The following PMVK variants were observed in gnomAD, a reference collection of about 807,000 sequenced individuals.
PMVK encodes the protein phosphomevalonate kinase, also known as testis tissue sperm-binding protein Li 95mP.
A neutral mutation model predicts 19.0 loss-of-function variants in PMVK; 10 were observed. That is an observed-to-expected ratio of 0.53 (90% confidence interval 0.32 to 0.89). PMVK has a LOEUF of 0.89. PMVK is among the 40% of genes least tolerant of loss of function. The pLI is 0.03. For synonymous variants in PMVK, 108 were observed against 101.6 expected, an observed-to-expected ratio of 1.06 and a Z score of -0.38; for missense variants, 222 against 251.1, an observed-to-expected ratio of 0.88 and a Z score of 0.78.
chr1:154,939,213 G>A (rs72702224), upstream of PMVK, among the ~76,000 whole-genome samples: 49,481 of 151,918 alleles, frequency 0.33, 10,849 homozygotes, highest in East Asian at 0.88. Flanking sequence ...GACACACCCT[G>A]GGCTTTGTCA....
intron 3 of PMVK, among the ~76,000 whole-genome samples, chr1:154,927,011 T>C (rs1654184552): frequency 1.3e-5 from 2 of 152,092 alleles, no homozygotes; most frequent in African/African-American, 2.4e-5. Flanking sequence ...CAGAACAAAA[T>C]CCTTGGTATA....
At chr1:154,936,531 A>C (rs1571386834) in intron 1 of PMVK, 60 bp downstream of exon 1, 1 of 1,549,330 alleles carries the variant, frequency 6.5e-7, no homozygotes, top group South Asian at 1.2e-5. Flanking sequence ...ACCCAAAAGC[A>C]CTCCTCGTGT....
chr1:154,926,032 A>G (rs1026031677), intron 4 of PMVK, among the ~76,000 whole-genome samples: 2 of 152,266 alleles, frequency 1.3e-5, no homozygotes, highest in African/African-American at 4.8e-5. Flanking sequence ...TAACTCCACT[A>G]CTGTGTTAAA....
chr1:154,926,078 T>C (rs1654148081), intron 4 of PMVK, among the ~76,000 whole-genome samples: 1 of 152,200 alleles, frequency 6.6e-6, no homozygotes, highest in African/African-American at 2.4e-5. Flanking sequence ...CCCTGACCAC[T>C]GTCAGCCCCT....
At chr1:154,926,240 G>C (rs1654153854) in intron 4 of PMVK, 114 bp downstream of exon 4, 1 of 953,000 alleles carries the variant, frequency 1.0e-6, no homozygotes, top group Middle Eastern at 3.4e-4. Context: ...CTAATCAGGA[G>C]GCCTCAGATT....
chr1:154,931,298 G>A (rs1055456901), intron 2 of PMVK, among the ~76,000 whole-genome samples: 6 of 152,050 alleles, frequency 3.9e-5, no homozygotes, highest in African/African-American at 1.4e-4. Context: ...GTCCCAGAAG[G>A]GTGCACCTAG....
upstream of PMVK, among the ~76,000 whole-genome samples, chr1:154,939,083 C>A (rs1472062962): frequency 6.6e-6 from 1 of 152,142 alleles, no homozygotes; most frequent in Non-Finnish European, 1.5e-5. Flanking sequence ...GAGTTGCTGT[C>A]ATCATCCTCG....
At chr1:154,942,645 C>T in the PMVK span, among the ~76,000 whole-genome samples, 10 of 152,210 alleles carry the variant, frequency 6.6e-5, no homozygotes, top group African/African-American at 2.2e-4. Context: ...ATATCTACTT[C>T]CTGAGTGGGT....
At chr1:154,929,247 A>G in intron 2 of PMVK, 71 bp from the exon 3 acceptor site, 2 of 1,468,846 alleles carry the variant, frequency 1.4e-6, no homozygotes, top group Non-Finnish European at 1.9e-6. Flanking sequence ...ACAGCGGAAG[A>G]GCCATCCCTC....
chr1:154,939,468 G>A (rs547470493), upstream of PMVK, among the ~76,000 whole-genome samples: 29 of 151,750 alleles, frequency 1.9e-4, no homozygotes, highest in African/African-American at 5.6e-4. Context: ...GGCAGATCAC[G>A]AGGTCAGGAG....
At chr1:154,940,896 G>A (rs1654626455), upstream of PMVK, among the ~76,000 whole-genome samples, 1 of 152,124 alleles carries the variant, frequency 6.6e-6, no homozygotes, top group Non-Finnish European at 1.5e-5. Flanking sequence ...CCCCCTTAGA[G>A]GTTAAGTACA....
At position 154,929,141 on chromosome 1, in the gene PMVK, G is replaced by A. The variant is rs1384778174; in HGVS notation, c.195C>T (p.Thr65=). The A allele has an allele frequency of 6.2e-7, 1 of 1,613,922 alleles. No individual in the cohort carries two copies. Among genetic ancestry groups the A allele is most frequent in the Non-Finnish European group, 8.5e-7 (1 of 1,179,806 alleles). Residue 65 remains threonine, a synonymous_variant, in exon 3 of 5, where the codon ACC becomes ACT. Coordinates refer to ENST00000368467, the MANE Select transcript of PMVK (RefSeq NM_006556.4). The part of the protein sequence containing the change: ...HGLNFQRLLD[T]STYKEAFRKD... ...TCCGAAAGGCCTCCTTGTAGGTGCTGGTGTCCAGGAGTCTCTGGAAGTTCA... is the reference window on the plus strand; with the variant it reads ...TCCGAAAGGCCTCCTTGTAGGTGCTAGTGTCCAGGAGTCTCTGGAAGTTCA...
At chr1:154,931,871 C>T (rs1032818211) in intron 2 of PMVK, among the ~76,000 whole-genome samples, 8 of 150,260 alleles carry the variant, frequency 5.3e-5, no homozygotes, top group Non-Finnish European at 2.9e-5. Flanking sequence ...TTTAAAGAAA[C>T]GGAGATGGGG....
Position 154,924,946 on chromosome 1 carries a change from C to T in PMVK, c.*183G>A, listed in dbSNP as rs1307840874. On this transcript the variant is annotated 3_prime_UTR_variant, in exon 5 of 5. Transcript: ENST00000368467. ...TCCTCCTGAAGAGCATGGCTGTCTT[C>T]CCCATGGAGAAAATGAGGTCTCCAG... 3.1e-6 allele frequency: 2 copies of T among 643,894 alleles called. No individual in the cohort carries two copies. The highest frequency in any genetic ancestry group is 5.4e-6 in the Non-Finnish European group (2 of 368,080). 39.9% of individuals were successfully genotyped at this position (643,894 alleles called of 1,614,324 possible). A position where few individuals can be genotyped will look rare whatever the true frequency, so the allele number is the denominator to read the frequency against.
chr1:154,929,088 T>C lies in PMVK; in HGVS notation c.248A>G (p.Lys83Arg). ...RKDMIRWGEE[K>R]RQADPGFFCR... ...AAAGAAGCCTGGGTCAGCCTGGCGT[T>C]TCTCCTCTCCCCAGCGGATCATGTC... Residue 83 changes from lysine to arginine, a missense_variant, in exon 3 of 5, where the codon AAA becomes AGA. Coordinates refer to ENST00000368467, the MANE Select transcript of PMVK (RefSeq NM_006556.4). The C allele has an allele frequency of 1.9e-6, 3 of 1,614,200 alleles. No homozygotes were observed. The highest frequency in any genetic ancestry group is 1.7e-4 in the Middle Eastern group (1 of 6,060).
At chr1:154,941,489 G>A (rs1654637414), upstream of PMVK, among the ~76,000 whole-genome samples, 1 of 152,168 alleles carries the variant, frequency 6.6e-6, no homozygotes, top group Non-Finnish European at 1.5e-5. Context: ...CCAGACCCCT[G>A]CTGTGAGCAT....
upstream of PMVK, among the ~76,000 whole-genome samples, chr1:154,939,729 A>G (rs1022146259): frequency 1.3e-5 from 2 of 150,912 alleles, no homozygotes; most frequent in Non-Finnish European, 2.9e-5. Context: ...AAAAGAAAGA[A>G]AAGTTAATGA....
intron 2 of PMVK, among the ~76,000 whole-genome samples, chr1:154,930,015 G>T (rs1163338528): frequency 6.6e-6 from 1 of 152,200 alleles, no homozygotes; most frequent in Non-Finnish European, 1.5e-5. Flanking sequence ...TGGTCTACTT[G>T]TTGGTTATAT....
At chr1:154,942,518 A>G in the PMVK span, among the ~76,000 whole-genome samples, 1 of 152,364 alleles carries the variant, frequency 6.6e-6, no homozygotes, top group East Asian at 1.9e-4. Context: ...GGGGCATCCC[A>G]GAGAGAGGGC....
Sources: allele counts gnomAD v4.1 joint callset (sites outside exome capture counted in the v4.1 genomes callset), GRCh38; gene constraint gnomAD v4.1.1; transcripts MANE v1.5; gene names NCBI Gene and HGNC (gene_info 2026-07-23, HGNC 2026-07-21).